Variants in CCBE1 observed in about 807,000 individuals in gnomAD.
CCBE1 encodes collagen and calcium binding EGF domains 1.
In CCBE1, 37 loss-of-function variants were observed where a neutral mutation model predicts 50.0. The ratio of observed to expected loss-of-function variants is 0.74; its 90% CI spans 0.57 to 0.97. CCBE1 has a LOEUF of 0.97. CCBE1 is among the 50% of genes least tolerant of loss of function. The probability of loss-of-function intolerance (pLI) is 0.00; values close to 1 mark genes in which losing one functional copy is unlikely to be tolerated. For missense variants in CCBE1, 538 were observed against 523.8 expected (o/e 1.03, Z -0.26); for synonymous variants, 234 against 203.7 (o/e 1.15, Z -1.27).
intron 2 of CCBE1, among the ~76,000 whole-genome samples, chr18:59,547,064 GGAGAGAGGGGGAGAGAAAGGGA>G (rs1490154033): frequency 1.5e-4 from 16 of 106,856 alleles, no homozygotes; most frequent in African/African-American, 6.7e-4. Flanking sequence ...GGAGAGAGGG[GGAGAGAGGGGGAGAGAAAGGGA>G]GAGAGAGGGA....
At chr18:59,482,446 T>C (rs973013586) in intron 2 of CCBE1, among the ~76,000 whole-genome samples, 2 of 152,218 alleles carry the variant, frequency 1.3e-5, no homozygotes, top group African/African-American at 2.4e-5. Context: ...CATTACTGTG[T>C]ATATACCCTA....
At chr18:59,464,425 G>T (rs4998988) in intron 5 of CCBE1, among the ~76,000 whole-genome samples, 56,563 of 151,856 alleles carry the variant, frequency 0.37, 11,170 homozygotes, top group East Asian at 0.67. Flanking sequence ...AACAGAGCAA[G>T]ACTCTGTCTC....
intron 2 of CCBE1, among the ~76,000 whole-genome samples, chr18:59,576,702 T>C (rs1344046150): frequency 6.6e-6 from 1 of 152,218 alleles, no homozygotes. Flanking sequence ...CTACTTGCTC[T>C]GCCAACCTGC....
intron 2 of CCBE1, among the ~76,000 whole-genome samples, chr18:59,487,123 C>G (rs1360115316): frequency 1.4e-5 from 2 of 147,572 alleles, no homozygotes; most frequent in African/African-American, 5.1e-5. Flanking sequence ...CTTCTAAAGG[C>G]ACACTAGATG....
chr18:59,558,232 G>A (rs192031846), intron 2 of CCBE1, among the ~76,000 whole-genome samples: 1 of 152,306 alleles, frequency 6.6e-6, no homozygotes. Context: ...CATGAACACA[G>A]TTTCTCTCAA....
chr18:59,570,951 GC>G (rs1386042460), intron 2 of CCBE1, among the ~76,000 whole-genome samples: 1 of 152,166 alleles, frequency 6.6e-6, no homozygotes, highest in Non-Finnish European at 1.5e-5. Flanking sequence ...TGGTCCTTCA[GC>G]TGGGAGCCAT....
At chr18:59,546,038 C>T (rs558604700) in intron 2 of CCBE1, among the ~76,000 whole-genome samples, 2 of 152,174 alleles carry the variant, frequency 1.3e-5, no homozygotes, top group East Asian at 3.9e-4. Context: ...TGGAATTGGC[C>T]CAGTCATGAA....
At chr18:59,438,284 G>A in intron 9 of CCBE1, 138 bp from the exon 10 acceptor site, 1 of 811,744 alleles carries the variant, frequency 1.2e-6, no homozygotes, top group South Asian at 1.5e-5. Context: ...GTAAAACTGA[G>A]CTGGACTCAC....
At chr18:59,557,689 A>G (rs576069994) in intron 2 of CCBE1, among the ~76,000 whole-genome samples, 1 of 152,136 alleles carries the variant, frequency 6.6e-6, no homozygotes, top group Admixed American at 6.5e-5. Flanking sequence ...CCAATGGGGA[A>G]CTTCTAGGGG....
At chr18:59,641,421 G>C (rs1445934284) in intron 2 of CCBE1, among the ~76,000 whole-genome samples, 1 of 152,104 alleles carries the variant, frequency 6.6e-6, no homozygotes, top group Non-Finnish European at 1.5e-5. Flanking sequence ...ACAAATAAGG[G>C]AACAACAGAC....
chr18:59,671,494 T>A (rs1264761193), intron 2 of CCBE1, among the ~76,000 whole-genome samples: 8 of 120,134 alleles, frequency 6.7e-5, no homozygotes, highest in Admixed American at 6.4e-4. Context: ...TGAGACCTTG[T>A]CTCAGAAAAA....
chr18:59,597,082 T>C (rs1249077162), intron 2 of CCBE1, among the ~76,000 whole-genome samples: 4 of 152,220 alleles, frequency 2.6e-5, no homozygotes, highest in African/African-American at 9.6e-5. Flanking sequence ...GCACTAGGAA[T>C]AGAGCAGCAG....
At chr18:59,485,163 T>TC (rs1482597278) in intron 2 of CCBE1, among the ~76,000 whole-genome samples, 1 of 152,132 alleles carries the variant, frequency 6.6e-6, no homozygotes, top group African/African-American at 2.4e-5. Flanking sequence ...CAAGGGGAAG[T>TC]GATTAGATGG....
rs569861134 is a variant in CCBE1, at chr18:59,479,990, T to C, written c.265+196A>G. On this transcript the variant is annotated intron_variant, in intron 3 of 10. Transcript: ENST00000439986. ...TGACTCAATGTGTGCAAGCACATCA[T>C]GTAATGATTCAGACACTGCACGCTA... is the stretch of plus-strand genomic sequence containing the variant. Among the ~76,000 whole-genome samples, 120 of 152,358 alleles carry C rather than the reference T, an allele frequency of 7.9e-4. 4 individuals carry two copies. The South Asian group carries it at 0.024, about 30-fold the overall frequency.
At chr18:59,554,374 T>C (rs2851865) in intron 2 of CCBE1, among the ~76,000 whole-genome samples, 118,479 of 152,106 alleles carry the variant, frequency 0.78, 46,487 homozygotes, top group East Asian at 0.88. Context: ...TTTTCTACCT[T>C]TTGTTTCTGA....
intron 2 of CCBE1, among the ~76,000 whole-genome samples, chr18:59,495,993 TG>T (rs1022036825): frequency 2.0e-5 from 3 of 152,210 alleles, no homozygotes; most frequent in African/African-American, 7.2e-5. Flanking sequence ...TTAGGCTCTT[TG>T]ATAGTGGAAG....
rs75289452 is a variant in CCBE1 at position 59,586,432 on chromosome 18, G to T, written c.213-106194C>A. Among the ~76,000 whole-genome samples, 1,203 of 152,308 alleles carry T rather than the reference G, an allele frequency of 7.9e-3. 20 individuals carry two copies. The highest frequency in any genetic ancestry group is 0.028 in the African/African-American group (1,166 of 41,556). On this transcript the variant is annotated intron_variant, in intron 2 of 10. Coordinates refer to ENST00000439986, the MANE Select transcript of CCBE1 (RefSeq NM_133459.4). ...GTGGCTGAAATCCTCTGGCCCATGG[G>T]GAGTGGCCCCCACTGTGTTTAGCTT...
In CCBE1 at chr18:59,640,631, G is replaced by A. The variant is rs144763556; in HGVS notation, c.212+55998C>T. Among the ~76,000 whole-genome samples the A allele has an allele frequency of 2.6e-5, 4 of 152,118 alleles. No homozygotes were observed. The East Asian group carries it at 5.8e-4, about 22-fold the overall frequency. ...CAAAAGAAACAAAAATTGACACATGGGATCTAATTAAACTATTAGGGAGAA... is the reference window on the plus strand; with the variant it reads ...CAAAAGAAACAAAAATTGACACATGAGATCTAATTAAACTATTAGGGAGAA... On this transcript the variant is annotated intron_variant, in intron 2 of 10. Coordinates refer to ENST00000439986, the MANE Select transcript of CCBE1 (RefSeq NM_133459.4).
In CCBE1 at chr18:59,599,573, G is replaced by T. The variant is rs7233715; in HGVS notation, c.212+97056C>A. On this transcript the variant is annotated intron_variant, in intron 2 of 10. Coordinates refer to ENST00000439986, the MANE Select transcript of CCBE1 (RefSeq NM_133459.4). ...ATAGTCACATTTCATTCCTGGCCATGACTGAATTTTCTTATCACTTATGGT... is the reference window on the plus strand; with the variant it reads ...ATAGTCACATTTCATTCCTGGCCATTACTGAATTTTCTTATCACTTATGGT... Among the ~76,000 whole-genome samples, 1,349 of 152,244 alleles carry T rather than the reference G, an allele frequency of 8.9e-3. 18 individuals are homozygous for T. Among genetic ancestry groups the T allele is most frequent in the African/African-American group, 0.03 (1,257 of 41,536 alleles).
Sources: allele counts gnomAD v4.1 joint callset (sites outside exome capture counted in the v4.1 genomes callset), GRCh38; gene constraint gnomAD v4.1.1; transcripts MANE v1.5; gene names NCBI Gene and HGNC (gene_info 2026-07-23, HGNC 2026-07-21).